MCU: variants seen among roughly 807,000 people sequenced by gnomAD.
MCU encodes mitochondrial calcium uniporter.
Under a neutral mutation model 45.2 loss-of-function variants are expected in MCU, and 12 were observed. The ratio of observed to expected loss-of-function variants is 0.27; its 90% CI spans 0.17 to 0.43. MCU has a LOEUF of 0.43. MCU is among the 20% of genes least tolerant of loss of function. The pLI is 1.00. For synonymous variants in MCU, 160 were observed against 165.1 expected, an observed-to-expected ratio of 0.97 and a Z score of 0.24; for missense variants, 324 against 436.7, an observed-to-expected ratio of 0.74 and a Z score of 2.30.
intron 1 of MCU, among the ~76,000 whole-genome samples, chr10:72,784,660 AAGGGAACAGTCTC>A (rs1211624377): frequency 1.3e-5 from 2 of 152,168 alleles, no homozygotes; most frequent in African/African-American, 2.4e-5. Context: ...GCAGGGAGTC[AAGGGAACAGTCTC>A]CTCATTTTCA....
chr10:72,864,484 A>T (rs987708822), intron 4 of MCU, among the ~76,000 whole-genome samples: 1 of 152,268 alleles, frequency 6.6e-6, no homozygotes, highest in African/African-American at 2.4e-5. Flanking sequence ...ATGTAAACTT[A>T]CAATGTAGAT....
intron 1 of MCU, among the ~76,000 whole-genome samples, chr10:72,797,643 T>C (rs1168769837): frequency 3.3e-5 from 5 of 150,856 alleles, no homozygotes; most frequent in Non-Finnish European, 7.4e-5. Flanking sequence ...CAAGCAATTC[T>C]CCTGCCTCAG....
chr10:72,769,779 A>G (rs1307915234), intron 1 of MCU, among the ~76,000 whole-genome samples: 1 of 152,152 alleles, frequency 6.6e-6, no homozygotes. Context: ...TCATTTCCCC[A>G]CAATCCTTCC....
At chr10:72,712,969 A>C (rs1489289678) in intron 1 of MCU, among the ~76,000 whole-genome samples, 1 of 152,224 alleles carries the variant, frequency 6.6e-6, no homozygotes, top group African/African-American at 2.4e-5. Flanking sequence ...AATAAATTGG[A>C]TGGTTTCCAG....
chr10:72,770,261 T>G (rs1441738471), intron 1 of MCU, among the ~76,000 whole-genome samples: 2 of 152,190 alleles, frequency 1.3e-5, no homozygotes, highest in African/African-American at 2.4e-5. Flanking sequence ...CTCACTGCTT[T>G]CTTTTGCATT....
At chr10:72,852,743 A>T (rs1230297474) in intron 2 of MCU, among the ~76,000 whole-genome samples, 1 of 152,230 alleles carries the variant, frequency 6.6e-6, no homozygotes, top group Admixed American at 6.5e-5. Context: ...TTTACAGAGG[A>T]AGGAGCTATG....
chr10:72,711,221 CTTTT>C (rs78511090), intron 1 of MCU, among the ~76,000 whole-genome samples: 2 of 130,064 alleles, frequency 1.5e-5, no homozygotes, highest in Admixed American at 7.8e-5. Context: ...TTCTGCAAAT[CTTTT>C]TTTTTTTTTT....
rs776535481 is a variant in MCU at position 72,848,496 on chromosome 10, C to A, written c.221-10681C>A. ...AGGAATCCACTCCCCCAGTAACTAA[C>A]CCACTCCTATGATAATGGCAAAAAT... On this transcript the variant is annotated intron_variant, in intron 2 of 7. Transcript: ENST00000373053. Among the ~76,000 whole-genome samples, 3 of 152,032 alleles carry A rather than the reference C, an allele frequency of 2.0e-5. 1 individual carries two copies. In the South Asian group the frequency reaches 6.2e-4, roughly 32 times the overall value.
In MCU at chr10:72,744,743, A is replaced by G. The variant is rs189092119; in HGVS notation, c.150+52442A>G. Among the ~76,000 whole-genome samples, 4 of 152,338 alleles carry G rather than the reference A, an allele frequency of 2.6e-5. No homozygotes were observed. The East Asian group carries it at 7.7e-4, about 29-fold the overall frequency. On this transcript the variant is annotated intron_variant, in intron 1 of 7. Transcript: ENST00000373053. ...AGGGTAGGTCTGCTCTCCTTTCTTAAAAACATCTGGTTCTACCAGCTCTCT... is the reference window on the plus strand; with the variant it reads ...AGGGTAGGTCTGCTCTCCTTTCTTAGAAACATCTGGTTCTACCAGCTCTCT...
chr10:72,868,410 T>C (rs1008479688), intron 4 of MCU, among the ~76,000 whole-genome samples: 4 of 152,136 alleles, frequency 2.6e-5, no homozygotes, highest in East Asian at 1.9e-4. Flanking sequence ...TTAGCCAGGC[T>C]TGTGGCCGGT....
At chr10:72,846,836 G>A (rs1382171395) in intron 2 of MCU, among the ~76,000 whole-genome samples, 1 of 152,158 alleles carries the variant, frequency 6.6e-6, no homozygotes, top group East Asian at 1.9e-4. Context: ...GCAATGAAGG[G>A]AAGGAGTGGA....
At chr10:72,751,669 A>G (rs1436542524) in intron 1 of MCU, among the ~76,000 whole-genome samples, 2 of 149,886 alleles carry the variant, frequency 1.3e-5, no homozygotes, top group African/African-American at 2.5e-5. Flanking sequence ...TTCTCTTCTT[A>G]ATGATGTTGT....
chr10:72,834,903 C>T lies in MCU; in HGVS notation c.220+475C>T, dbSNP rs1253437064. Among the ~76,000 whole-genome samples the T allele has an allele frequency of 2.6e-5, 4 of 152,168 alleles. No individual in the cohort carries two copies. The East Asian group carries it at 5.8e-4, about 22-fold the overall frequency. On this transcript the variant is annotated intron_variant, in intron 2 of 7. Coordinates refer to ENST00000373053, the MANE Select transcript of MCU (RefSeq NM_138357.3). Reference sequence around the variant, plus strand: ...TCGAACCCACGTGATCCGCCCACCTCGGCCTCCCAAAGTGCTGGGATTATA... The same window carrying T: ...TCGAACCCACGTGATCCGCCCACCTTGGCCTCCCAAAGTGCTGGGATTATA...
intron 1 of MCU, among the ~76,000 whole-genome samples, chr10:72,791,592 A>G (rs548808037): frequency 6.6e-6 from 1 of 152,196 alleles, no homozygotes; most frequent in South Asian, 2.1e-4. Flanking sequence ...TCGCTTGTGT[A>G]GATATAGGAT....
chr10:72,873,135 C>T (rs937965808), intron 6 of MCU, among the ~76,000 whole-genome samples: 17 of 150,554 alleles, frequency 1.1e-4, no homozygotes, highest in African/African-American at 4.2e-4. Flanking sequence ...TCTCCTGCCT[C>T]AGCCTCCTGA....
At chr10:72,840,731 A>C (rs1175201323) in intron 2 of MCU, among the ~76,000 whole-genome samples, 1 of 152,234 alleles carries the variant, frequency 6.6e-6, no homozygotes, top group African/African-American at 2.4e-5. Flanking sequence ...CACCAACTTA[A>C]ATACAAAGTT....
chr10:72,762,799 G>C (rs71479460), intron 1 of MCU, among the ~76,000 whole-genome samples: 2,770 of 152,064 alleles, frequency 0.018, 34 homozygotes, highest in Non-Finnish European at 0.027. Context: ...TCATAAAACT[G>C]TTCCCCAGTG....
At chr10:72,729,952 CTTTTT>C (rs58668483) in intron 1 of MCU, among the ~76,000 whole-genome samples, 3 of 90,548 alleles carry the variant, frequency 3.3e-5, no homozygotes, top group Non-Finnish European at 2.3e-5. Context: ...CTTCAGCATT[CTTTTT>C]TTTTTTTTTT....
chr10:72,839,482 C>T (rs1589489222), intron 2 of MCU, among the ~76,000 whole-genome samples: 1 of 152,076 alleles, frequency 6.6e-6, no homozygotes, highest in East Asian at 1.9e-4. Flanking sequence ...TGTAGTCTTT[C>T]GCATCTAGCT....
Sources: allele counts gnomAD v4.1 joint callset (sites outside exome capture counted in the v4.1 genomes callset), GRCh38; gene constraint gnomAD v4.1.1; transcripts MANE v1.5; gene names NCBI Gene and HGNC (gene_info 2026-07-23, HGNC 2026-07-21).